The following KCNH8 variants were observed in gnomAD, a reference collection of about 807,000 sequenced individuals.
KCNH8 encodes voltage-gated delayed rectifier potassium channel KCNH8.
A neutral mutation model predicts 103.6 loss-of-function variants in KCNH8; 70 were observed. That is an observed-to-expected ratio of 0.68 (90% CI 0.56 to 0.82). KCNH8 has a LOEUF of 0.82. Among genes scored for constraint, KCNH8 ranks in the 40% least tolerant of loss-of-function variants. KCNH8 has a pLI of 0.00. For missense variants in KCNH8, 1,217 were observed against 1,329.9 expected (o/e 0.92, Z 1.32); for synonymous variants, 498 against 489.4 (o/e 1.02, Z -0.23).
At chr3:19,426,842 A>T (rs1394979326) in intron 7 of KCNH8, among the ~76,000 whole-genome samples, 2 of 152,098 alleles carry the variant, frequency 1.3e-5, no homozygotes, top group Non-Finnish European at 2.9e-5. Flanking sequence ...TGTCCCTTTC[A>T]TTCTATACGT....
At position 19,442,832 on chromosome 3, in the gene KCNH8, G is replaced by A. The variant is rs191011720; in HGVS notation, c.1375+4471G>A. ...ATATTTCCTAATTAACTAATTAATTGTAAAATGTTGAGAACTAATCATAAG... is the reference window on the plus strand; with the variant it reads ...ATATTTCCTAATTAACTAATTAATTATAAAATGTTGAGAACTAATCATAAG... On this transcript the variant is annotated intron_variant, in intron 8 of 15. Transcript: ENST00000328405. Among the ~76,000 whole-genome samples, 481 of 152,102 alleles carry A rather than the reference G, an allele frequency of 3.2e-3. 5 individuals are homozygous for A. The highest frequency in any genetic ancestry group is 0.011 in the African/African-American group (436 of 41,500).
At chr3:19,189,959 T>C (rs1482168335) in intron 1 of KCNH8, among the ~76,000 whole-genome samples, 1 of 152,032 alleles carries the variant, frequency 6.6e-6, no homozygotes, top group Non-Finnish European at 1.5e-5. Context: ...ATACTTCTTA[T>C]GAGTTGATAC....
At chr3:19,364,413 A>G (rs918423523) in intron 5 of KCNH8, among the ~76,000 whole-genome samples, 1 of 152,158 alleles carries the variant, frequency 6.6e-6, no homozygotes, top group African/African-American at 2.4e-5. Context: ...AGCTATGAGA[A>G]TATTTACAGT....
At chr3:19,185,250 A>G (rs1427135096) in intron 1 of KCNH8, among the ~76,000 whole-genome samples, 1 of 151,858 alleles carries the variant, frequency 6.6e-6, no homozygotes. Context: ...TCTATCAGTA[A>G]TATTTTCAGT....
intron 15 of KCNH8, among the ~76,000 whole-genome samples, chr3:19,522,254 C>A (rs2068984153): frequency 6.6e-6 from 1 of 151,832 alleles, no homozygotes; most frequent in Non-Finnish European, 1.5e-5. Flanking sequence ...CTGCAGTTGG[C>A]AAACTGGAGA....
intron 11 of KCNH8, among the ~76,000 whole-genome samples, chr3:19,467,828 C>T (rs2067774411): frequency 6.6e-6 from 1 of 152,166 alleles, no homozygotes; most frequent in African/African-American, 2.4e-5. Context: ...TTTCAAGGTT[C>T]TAAGCCTTCC....
At chr3:19,258,947 C>CTCTCTCTCTCTATATA (rs1321918245) in intron 2 of KCNH8, among the ~76,000 whole-genome samples, 3 of 24,802 alleles carry the variant, frequency 1.2e-4, no homozygotes, top group East Asian at 1.0e-3. Context: ...CTCTCTCTCT[C>CTCTCTCTCTCTATATA]TATATATATA....
chr3:19,497,876 T>A (rs1280735219), intron 11 of KCNH8, among the ~76,000 whole-genome samples: 1 of 152,180 alleles, frequency 6.6e-6, no homozygotes, highest in Non-Finnish European at 1.5e-5. Context: ...GGAATCAAAG[T>A]CTCTGTGTAG....
chr3:19,443,392 A>G (rs2067310534), intron 8 of KCNH8, among the ~76,000 whole-genome samples: 1 of 150,288 alleles, frequency 6.7e-6, no homozygotes, highest in Admixed American at 6.7e-5. Context: ...ATATAAATAT[A>G]CATATATACA....
intron 1 of KCNH8, among the ~76,000 whole-genome samples, chr3:19,207,656 T>G (rs192458631): frequency 7.1e-4 from 108 of 152,094 alleles, no homozygotes; most frequent in Non-Finnish European, 1.3e-3. Context: ...AGGGCTATAT[T>G]TTTATGACGT....
intron 13 of KCNH8, among the ~76,000 whole-genome samples, chr3:19,514,497 GTTC>G (rs2068839963): frequency 6.6e-6 from 1 of 151,770 alleles, no homozygotes; most frequent in East Asian, 1.9e-4. Flanking sequence ...AAGAATATAT[GTTC>G]TTTATAGAGA....
chr3:19,193,373 G>A (rs542717924), intron 1 of KCNH8, among the ~76,000 whole-genome samples: 1 of 151,674 alleles, frequency 6.6e-6, no homozygotes, highest in South Asian at 2.1e-4. Flanking sequence ...TTTCAGTCAT[G>A]CCATTCTCTC....
At chr3:19,474,896 C>G (rs887912454) in intron 11 of KCNH8, among the ~76,000 whole-genome samples, 7 of 152,120 alleles carry the variant, frequency 4.6e-5, no homozygotes, top group African/African-American at 1.7e-4. Flanking sequence ...AGTCTTCCAT[C>G]TTGATAGTAC....
intron 5 of KCNH8, among the ~76,000 whole-genome samples, 182 bp from the exon 6 acceptor site, chr3:19,390,299 A>C (rs1033762893): frequency 1.3e-5 from 2 of 152,026 alleles, no homozygotes; most frequent in Non-Finnish European, 2.9e-5. Flanking sequence ...AATCTGAACT[A>C]GGCTAAGTGG....
intron 5 of KCNH8, among the ~76,000 whole-genome samples, chr3:19,353,623 A>C (rs549895574): frequency 2.6e-4 from 39 of 152,284 alleles, no homozygotes; most frequent in African/African-American, 8.9e-4. Context: ...ACAGAACCAA[A>C]GACAAAAACC....
At position 19,450,300 on chromosome 3, in the gene KCNH8, A is replaced by T; in HGVS notation, c.1570A>T (p.Asn524Tyr). The T allele has an allele frequency of 1.2e-6, 2 of 1,609,790 alleles. No homozygotes were observed. The highest frequency in any genetic ancestry group is 1.7e-6 in the Non-Finnish European group (2 of 1,176,186). ...TWSVNNGIDS[N>Y]ELLKDFPDEL... is the part of the protein sequence containing the mutation. ...GTCAGTCAACAATGGAATAGATTCA[A>T]ATGAGGTAATGTTCATTTCTCATGT... is the stretch of plus-strand genomic sequence containing the variant. The change falls in exon 9 of 16, where the codon AAT (asparagine) becomes TAT (tyrosine). Residue 524 changes from asparagine to tyrosine, a missense_variant. Physicochemically the swap from Asn to Tyr is moderately radical, Grantham distance 143. Transcript: ENST00000328405.
chr3:19,284,202 C>T (rs531151768), intron 3 of KCNH8, among the ~76,000 whole-genome samples: 145 of 152,022 alleles, frequency 9.5e-4, no homozygotes, highest in Middle Eastern at 3.4e-3. Context: ...GCAAATGCAT[C>T]ACTAAAGTTC....
intron 2 of KCNH8, among the ~76,000 whole-genome samples, chr3:19,269,294 C>G (rs1027102622): frequency 2.0e-5 from 3 of 152,010 alleles, no homozygotes; most frequent in Non-Finnish European, 2.9e-5. Context: ...TTTACTTTCC[C>G]AAAATTTCTC....
intron 3 of KCNH8, among the ~76,000 whole-genome samples, chr3:19,291,577 G>T (rs552447042): frequency 6.6e-6 from 1 of 152,328 alleles, no homozygotes; most frequent in East Asian, 1.9e-4. Flanking sequence ...TTAATCCTGA[G>T]TTCTAGTTTG....
Sources: allele counts gnomAD v4.1 joint callset (sites outside exome capture counted in the v4.1 genomes callset), GRCh38; gene constraint gnomAD v4.1.1; transcripts MANE v1.5; gene names NCBI Gene and HGNC (gene_info 2026-07-23, HGNC 2026-07-21).